FABP12: variants seen among roughly 807,000 people sequenced by gnomAD.
FABP12 encodes fatty acid binding protein 12.
A neutral mutation model predicts 13.7 loss-of-function variants in FABP12; 19 were observed. The ratio of observed to expected loss-of-function variants is 1.39; its 90% confidence interval spans 0.97 to 2.04. The LOEUF is 2.04. Among genes scored for constraint, FABP12 ranks in the 30% most tolerant of loss-of-function variants. The pLI, the probability that FABP12 is intolerant of heterozygous loss-of-function variation, is 0.00. For missense variants in FABP12, 182 were observed against 164.2 expected (o/e 1.11, Z -0.59); for synonymous variants, 61 against 57.0 (o/e 1.07, Z -0.32).
At chr8:81,537,288 C>T (rs1021868901), upstream of FABP12, among the ~76,000 whole-genome samples, 1 of 152,058 alleles carries the variant, frequency 6.6e-6, no homozygotes, top group Non-Finnish European at 1.5e-5. Context: ...AGGAAAGAAA[C>T]CTAGTTTAAA....
At chr8:81,560,869 A>C (rs140482360) in intron 1 of FABP12, among the ~76,000 whole-genome samples, 154 of 152,318 alleles carry the variant, frequency 1.0e-3, no homozygotes, top group African/African-American at 3.7e-3. Flanking sequence ...TCTAGGTAGT[A>C]AGTGAGGAAA....
intron 1 of FABP12, among the ~76,000 whole-genome samples, chr8:81,540,514 A>T (rs1809318754): frequency 6.6e-6 from 1 of 151,936 alleles, no homozygotes; most frequent in Non-Finnish European, 1.5e-5. Flanking sequence ...AATCTCAGAT[A>T]TATGAAGACA....
intron 1 of FABP12, among the ~76,000 whole-genome samples, chr8:81,589,711 A>G (rs766802814): frequency 2.0e-5 from 3 of 152,196 alleles, no homozygotes; most frequent in Non-Finnish European, 4.4e-5. Context: ...TGCTGGGAGC[A>G]AAGCATCTCT....
chr8:81,531,148 G>A, intron 2 of FABP12, 95 bp downstream of exon 2: 2 of 785,614 alleles, frequency 2.5e-6, no homozygotes, highest in South Asian at 3.3e-5. Context: ...AAAAATTAGG[G>A]AGTTCAAGAT....
chr8:81,526,510 T>A (rs1249368099), intron 4 of FABP12: 1 of 152,460 alleles, frequency 6.6e-6, no homozygotes, highest in Non-Finnish European at 1.5e-5. Context: ...ATAATAAGCT[T>A]TACCTTACAG....
intron 1 of FABP12, among the ~76,000 whole-genome samples, chr8:81,554,975 A>G (rs1809586562): frequency 6.6e-6 from 1 of 152,082 alleles, no homozygotes; most frequent in Non-Finnish European, 1.5e-5. Flanking sequence ...AATTCCTCTC[A>G]CTAGCATTCG....
chr8:81,549,476 T>C (rs1361760811), intron 1 of FABP12, among the ~76,000 whole-genome samples: 1 of 152,164 alleles, frequency 6.6e-6, no homozygotes, highest in Non-Finnish European at 1.5e-5. Flanking sequence ...CACCAGTGTA[T>C]AGCGTTGGTC....
upstream of FABP12, among the ~76,000 whole-genome samples, chr8:81,538,489 T>C (rs182249683): frequency 6.6e-6 from 1 of 152,336 alleles, no homozygotes; most frequent in Non-Finnish European, 1.5e-5. Flanking sequence ...TTCAATAACA[T>C]ATGTTCTTAT....
chr8:81,557,894 T>C (rs1451767752), intron 1 of FABP12, among the ~76,000 whole-genome samples: 1 of 152,216 alleles, frequency 6.6e-6, no homozygotes, highest in East Asian at 1.9e-4. Context: ...TTTCTCTGTG[T>C]TTAGTCCTGA....
Position 81,529,617 on chromosome 8 carries a change from A to G in FABP12, c.74-7T>C. 6.2e-7 allele frequency: 1 copy of G among 1,610,542 alleles called. No homozygotes were observed. The highest frequency in any genetic ancestry group is 1.1e-5 in the South Asian group (1 of 90,348). On this transcript the variant is annotated splice_region_variant and splice_polypyrimidine_tract_variant and intron_variant, in intron 2 of 4. Transcript: ENST00000360464. ...CTGCTGGCTCTTCCTATACCTGGAA[A>G]CCAGATAAAAGGAGTATTATCTTTT...
exon 5 of FABP12, chr8:81,525,112 A>G (rs182512224): frequency 5.6e-5 from 88 of 1,580,614 alleles, no homozygotes; most frequent in Admixed American, 5.0e-4. Context: ...CACTGTTCAC[A>G]GTACTTTCCT....
chr8:81,580,475 A>G (rs1351678854), intron 1 of FABP12, among the ~76,000 whole-genome samples: 1 of 150,790 alleles, frequency 6.6e-6, no homozygotes, highest in Non-Finnish European at 1.5e-5. Context: ...TAAAAAGGCC[A>G]GTGGTCTGCC....
At chr8:81,529,056 T>A (rs1332718631) in intron 3 of FABP12, among the ~76,000 whole-genome samples, 1 of 152,164 alleles carries the variant, frequency 6.6e-6, no homozygotes, top group East Asian at 1.9e-4. Flanking sequence ...TGGCATAACC[T>A]TACCTCTGCC....
chr8:81,576,216 C>CA (rs1024823977), intron 1 of FABP12, among the ~76,000 whole-genome samples: 2 of 151,910 alleles, frequency 1.3e-5, no homozygotes, highest in African/African-American at 2.4e-5. Context: ...ATAAGAAGCA[C>CA]AAAAAAATCC....
chr8:81,547,212 C>T (rs1399557865), intron 1 of FABP12, among the ~76,000 whole-genome samples: 1 of 152,230 alleles, frequency 6.6e-6, no homozygotes, highest in Non-Finnish European at 1.5e-5. Context: ...GTTTGCATTT[C>T]ACCAAACTGT....
At chr8:81,549,393 T>C (rs540239441) in intron 1 of FABP12, among the ~76,000 whole-genome samples, 21 of 152,312 alleles carry the variant, frequency 1.4e-4, no homozygotes, top group Non-Finnish European at 2.2e-4. Flanking sequence ...ATTGTAATTC[T>C]GGAAGTTTTC....
At chr8:81,528,268 G>A (rs964480796) in intron 3 of FABP12, among the ~76,000 whole-genome samples, 2 of 151,878 alleles carry the variant, frequency 1.3e-5, no homozygotes, top group African/African-American at 2.4e-5. Context: ...TTGTAGAGGC[G>A]GGATCCTGCT....
rs549722285 is a variant in FABP12, at chr8:81,558,137, C to A, written c.-184-18394G>T. 5.3e-5 allele frequency among the ~76,000 whole-genome samples: 8 copies of A among 152,308 alleles called. No homozygotes were observed. In the East Asian group the frequency reaches 5.8e-4, roughly 11 times the overall value. On this transcript the variant is annotated intron_variant, in intron 1 of 5. Transcript: ENST00000692030. ...AATCGGGAACCTTGCTTCTCTACTGCGTGCTCTGAAAGGAGGAAGAATGCT... is the reference window on the plus strand; with the variant it reads ...AATCGGGAACCTTGCTTCTCTACTGAGTGCTCTGAAAGGAGGAAGAATGCT...
chr8:81,556,516 A>G lies in FABP12; in HGVS notation c.-184-16773T>C, dbSNP rs980619827. On this transcript the variant is annotated intron_variant, in intron 1 of 5. Coordinates refer to the FABP12 transcript ENST00000692030. ...TAGCAATTCATTAACATTGGGGAAT[A>G]ATAATAATACAATAGTCATTGTCCA... Among the ~76,000 whole-genome samples the G allele has an allele frequency of 4.6e-5, 7 of 152,096 alleles. No homozygotes were observed. In the East Asian group the frequency reaches 1.3e-3, roughly 29 times the overall value.
Sources: gnomAD v4.1 joint callset for allele counts (sites outside exome capture counted in the v4.1 genomes callset) on GRCh38, gnomAD v4.1.1 for gene constraint, MANE v1.5 for transcripts, NCBI Gene and HGNC (gene_info 2026-07-23, HGNC 2026-07-21) for gene names.